The following CUL4A variants were observed in gnomAD, a reference collection of about 807,000 sequenced individuals.
CUL4A encodes cullin 4A.
Under a neutral mutation model 95.5 loss-of-function variants are expected in CUL4A, and 16 were observed. The ratio of observed to expected loss-of-function variants is 0.17; its 90% CI spans 0.11 to 0.25. The LOEUF (loss-of-function observed/expected upper bound fraction) is 0.25, where lower values mean the gene tolerates loss of function less well. CUL4A is among the 10% of genes least tolerant of loss of function. CUL4A has a pLI of 1.00. For synonymous variants in CUL4A, 380 were observed against 353.1 expected (o/e 1.08, Z -0.85); for missense variants, 610 against 937.0 (o/e 0.65, Z 4.56).
intron 18 of CUL4A, 92 bp from the exon 19 acceptor site, chr13:113,260,515 A>T: frequency 1.7e-6 from 2 of 1,155,088 alleles, no homozygotes; most frequent in Non-Finnish European, 2.4e-6. Context: ...ACACCATTGC[A>T]CTCTAGCCCA....
In CUL4A at chr13:113,210,839, A is replaced by T. The variant is rs78647185; in HGVS notation, c.264+751A>T. ...TGCAAGTGACTGCATTGTAAAAATTATAAAAAATACAAAAAAGAAGACTTC... is the reference window on the plus strand; with the variant it reads ...TGCAAGTGACTGCATTGTAAAAATTTTAAAAAATACAAAAAAGAAGACTTC... On this transcript the variant is annotated intron_variant, in intron 2 of 19. Coordinates refer to ENST00000375440, the MANE Select transcript of CUL4A (RefSeq NM_001008895.4). Among the ~76,000 whole-genome samples the T allele has an allele frequency of 8.5e-3, 1,296 of 152,356 alleles. 21 individuals are homozygous for T. The highest frequency in any genetic ancestry group is 0.03 in the African/African-American group (1,251 of 41,572).
At chr13:113,235,021 A>T (rs373828029) in intron 7 of CUL4A, 42 bp from the exon 8 acceptor site, 3 of 1,405,070 alleles carry the variant, frequency 2.1e-6, no homozygotes, top group East Asian at 2.3e-5. Context: ...TAGTGTCGAC[A>T]TTCTTTTTGT....
At position 113,260,773 on chromosome 13, in the gene CUL4A, T is replaced by C. The variant is rs781242501; in HGVS notation, c.2184+14T>C. 6.6e-7 allele frequency: 1 copy of C among 1,519,592 alleles called. No individual in the cohort carries two copies. The highest frequency in any genetic ancestry group is 9.0e-7 in the Non-Finnish European group (1 of 1,114,020). The allele number at this position is 1,519,592 out of a possible 1,614,324, so 94.1% of individuals were successfully genotyped here. A position where few individuals can be genotyped will look rare whatever the true frequency, so the allele number is the denominator to read the frequency against. On this transcript the variant is annotated intron_variant, in intron 19 of 19. Transcript: ENST00000375440. ...TTTCCAGTAAAGGTAAATGTAACAT[T>C]AGCATAATTAAATTTGTAGTATTTG... is the stretch of plus-strand genomic sequence containing the variant.
intron 6 of CUL4A, among the ~76,000 whole-genome samples, 176 bp from the exon 7 acceptor site, chr13:113,233,721 G>A (rs2041443159): frequency 6.6e-6 from 1 of 152,238 alleles, no homozygotes; most frequent in Non-Finnish European, 1.5e-5. Flanking sequence ...GAAGAGAACA[G>A]AGGAGGGCCT....
At chr13:113,244,218 A>C in intron 11 of CUL4A, 192 bp from the exon 12 acceptor site, 3 of 546,386 alleles carry the variant, frequency 5.5e-6, no homozygotes, top group Non-Finnish European at 9.9e-6. Context: ...TCCTGGCTTC[A>C]TTAAAATTTT....
At chr13:113,239,325 A>G in intron 9 of CUL4A, 108 bp from the exon 10 acceptor site, 1 of 957,996 alleles carries the variant, frequency 1.0e-6, no homozygotes, top group Non-Finnish European at 1.7e-6. Context: ...AGACCCGCCC[A>G]ATTTCTAAGC....
At chr13:113,227,944 C>A in intron 3 of CUL4A, 32 bp from the exon 4 acceptor site, 1 of 1,407,680 alleles carries the variant, frequency 7.1e-7, no homozygotes, top group East Asian at 2.3e-5. Flanking sequence ...AATTGGCCAG[C>A]ATTTTTAAAG....
chr13:113,221,164 C>A (rs1345228516), intron 3 of CUL4A, among the ~76,000 whole-genome samples: 2 of 152,212 alleles, frequency 1.3e-5, no homozygotes, highest in African/African-American at 4.8e-5. Flanking sequence ...GCGGGCACAA[C>A]TAGAACTCCA....
At chr13:113,234,999 C>T in intron 7 of CUL4A, 64 bp from the exon 8 acceptor site, 1 of 1,219,468 alleles carries the variant, frequency 8.2e-7, no homozygotes, top group Non-Finnish European at 1.2e-6. Flanking sequence ...AACAAAATCT[C>T]AATTTCTTGG....
chr13:113,241,254 C>T (rs941805398), intron 10 of CUL4A, among the ~76,000 whole-genome samples: 1 of 152,190 alleles, frequency 6.6e-6, no homozygotes, highest in Non-Finnish European at 1.5e-5. Flanking sequence ...TTTGCAGTTT[C>T]CAGTCTGGGT....
intron 2 of CUL4A, among the ~76,000 whole-genome samples, chr13:113,210,606 C>G (rs1433429529): frequency 6.6e-6 from 1 of 152,202 alleles, no homozygotes; most frequent in African/African-American, 2.4e-5. Context: ...GCATTTAATT[C>G]AAAGTGATGG....
At chr13:113,261,388 T>A (rs2139311771) in intron 19 of CUL4A, among the ~76,000 whole-genome samples, 1 of 152,260 alleles carries the variant, frequency 6.6e-6, no homozygotes, top group South Asian at 2.1e-4. Context: ...GTCCCCAGAT[T>A]CCATGTTGTG....
intron 19 of CUL4A, chr13:113,263,086 AC>A: frequency 8.0e-6 from 1 of 125,594 alleles, no homozygotes; most frequent in Admixed American, 8.4e-5. Flanking sequence ...CCTCGCTTAT[AC>A]GTGCCCTTGC....
chr13:113,235,985 AAG>A (rs1566349846), intron 8 of CUL4A, among the ~76,000 whole-genome samples: 3 of 151,706 alleles, frequency 2.0e-5, no homozygotes, highest in African/African-American at 2.4e-5. Flanking sequence ...AAAAAAAAAA[AAG>A]AAAATGATAC....
chr13:113,208,293 C>G (rs957560985), upstream of CUL4A: 4 of 1,431,818 alleles, frequency 2.8e-6, no homozygotes, highest in African/African-American at 4.3e-5. Flanking sequence ...CGCCTGGGAG[C>G]GCGGCCACAC....
chr13:113,208,732 G>C, upstream of CUL4A: 3 of 1,492,176 alleles, frequency 2.0e-6, no homozygotes, highest in Non-Finnish European at 2.7e-6. Context: ...TGGCGCCCCC[G>C]GCCCCGCCGC....
intron 9 of CUL4A, 65 bp downstream of exon 9, chr13:113,236,955 AG>A (rs1190251368): frequency 9.0e-7 from 1 of 1,113,158 alleles, no homozygotes; most frequent in Non-Finnish European, 1.3e-6. Flanking sequence ...AGGAAAGTAA[AG>A]GGGGCATTAC....
At chr13:113,230,526 G>T (rs1010847462) in intron 5 of CUL4A, among the ~76,000 whole-genome samples, 3 of 152,184 alleles carry the variant, frequency 2.0e-5, no homozygotes, top group African/African-American at 7.2e-5. Flanking sequence ...GGCAAACGCT[G>T]CACAGAAAAG....
At chr13:113,228,752 G>A (rs915007944) in intron 4 of CUL4A, among the ~76,000 whole-genome samples, 1 of 152,040 alleles carries the variant, frequency 6.6e-6, no homozygotes, top group African/African-American at 2.4e-5. Flanking sequence ...GCCTCATCAT[G>A]TAACAGGAAC....
Sources: allele counts gnomAD v4.1 joint callset (sites outside exome capture counted in the v4.1 genomes callset), GRCh38; gene constraint gnomAD v4.1.1; transcripts MANE v1.5; gene names NCBI Gene and HGNC (gene_info 2026-07-23, HGNC 2026-07-21).